AATK: variants seen among roughly 807,000 people sequenced by gnomAD.
The protein encoded by AATK is serine/threonine-protein kinase LMTK1.
A neutral mutation model predicts 114.3 loss-of-function variants in AATK; 91 were observed. That is an observed-to-expected ratio of 0.80 (90% confidence interval 0.67 to 0.95). The LOEUF (loss-of-function observed/expected upper bound fraction) is 0.95, where lower values mean the gene tolerates loss of function less well. Among genes scored for constraint, AATK ranks in the 40% least tolerant of loss-of-function variants. The probability of loss-of-function intolerance (pLI) is 0.00; values close to 1 mark genes in which losing one functional copy is unlikely to be tolerated. For missense variants in AATK, 2,176 were observed against 1,965.2 expected (o/e 1.11, Z -2.03); for synonymous variants, 1,075 against 916.5 (o/e 1.17, Z -3.12).
At chr17:81,128,764 C>T in intron 3 of AATK, 1 of 1,366,302 alleles carries the variant, frequency 7.3e-7, no homozygotes, top group Non-Finnish European at 9.5e-7. Context: ...CTGCAGGATC[C>T]ATCCGGGCAT....
chr17:81,130,399 C>T (rs138323327), intron 3 of AATK, among the ~76,000 whole-genome samples: 1 of 152,286 alleles, frequency 6.6e-6, no homozygotes, highest in East Asian at 1.9e-4. Context: ...CTCCCCAGCA[C>T]GTCCGCCCCA....
intron 13 of AATK, 25 bp downstream of exon 13, chr17:81,119,355 T>TCGCGTGCCCTTCC: frequency 2.9e-6 from 1 of 344,624 alleles, no homozygotes. Flanking sequence ...CGTGCCCTTC[T>TCGCGTGCCCTTCC]GCCACAGCCC....
chr17:81,123,843 G>T (rs1370152014), intron 9 of AATK, among the ~76,000 whole-genome samples: 2 of 152,132 alleles, frequency 1.3e-5, no homozygotes, highest in African/African-American at 4.8e-5. Context: ...GGTAACTGGG[G>T]TCTCCTTCCC....
intron 1 of AATK, among the ~76,000 whole-genome samples, chr17:81,158,804 G>T (rs2061397167): frequency 6.6e-6 from 1 of 152,216 alleles, no homozygotes; most frequent in Non-Finnish European, 1.5e-5. Flanking sequence ...TATAAAAACA[G>T]CAGCCAGCAC....
Position 81,120,692 on chromosome 17 carries a change from C to A in AATK, c.3244G>T (p.Glu1082Ter). The A allele has an allele frequency of 6.6e-7, 1 of 1,517,522 alleles. No individual in the cohort carries two copies. The highest frequency in any genetic ancestry group is 8.8e-7 in the Non-Finnish European group (1 of 1,132,986). The allele number at this position is 1,517,522 out of a possible 1,614,324, so 94.0% of individuals were successfully genotyped here. A position where few individuals can be genotyped will look rare whatever the true frequency, so the allele number is the denominator to read the frequency against. The change falls in exon 11 of 14, where the codon GAG becomes TAG. Residue 1082 changes from glutamate to a stop codon, truncating the protein, a stop_gained. Transcript: ENST00000326724. LOFTEE classifies it high-confidence loss of function. ...CPSGLVPEPP[E>*]PQGPAKVRPG... ...CGCACCTTGGCTGGGCCTTGGGGCT[C>A]CGGAGGCTCTGGGACCAGGCCCGAG...
chr17:81,145,664 C>T (rs980094282), intron 1 of AATK, among the ~76,000 whole-genome samples: 6 of 132,264 alleles, frequency 4.5e-5, no homozygotes, highest in African/African-American at 8.5e-5. Flanking sequence ...ACCTGGGAGG[C>T]GGAGGTTGCA....
intron 1 of AATK, among the ~76,000 whole-genome samples, chr17:81,157,035 C>A (rs1175755638): frequency 6.6e-6 from 1 of 152,190 alleles, no homozygotes; most frequent in Admixed American, 6.5e-5. Flanking sequence ...CGGCATCGTG[C>A]CCAGCCCTGA....
In AATK at chr17:81,121,861, C is replaced by T; in HGVS notation, c.2075G>A (p.Cys692Tyr). 2 of 1,597,080 alleles carry T rather than the reference C, an allele frequency of 1.3e-6. No individual in the cohort carries two copies. The highest frequency in any genetic ancestry group is 1.3e-5 in the African/African-American group (1 of 74,978). Reference protein sequence around the residue: ...VSANNNSGSRCPESWDPVSAG... With the variant: ...VSANNNSGSRYPESWDPVSAG... The stretch of plus-strand genomic sequence containing the variant: ...AGAGACGGGGTCCCAGGACTCTGGA[C>T]AGCGGCTGCCGCTGTTGTTGTTGGC... The change falls in exon 11 of 14, where the codon TGT becomes TAT. Residue 692 changes from cysteine to tyrosine, a missense_variant. Transcript: ENST00000326724.
In AATK at chr17:81,126,067, C is replaced by T; in HGVS notation, c.755+360G>A. 2.1e-6 allele frequency: 1 copy of T among 487,584 alleles called. No homozygotes were observed. Among genetic ancestry groups the T allele is most frequent in the Non-Finnish European group, 4.1e-6 (1 of 242,014 alleles). 30.2% of individuals were successfully genotyped at this position (487,584 alleles called of 1,614,324 possible). ...CCTGGCCCAAGCAGGACAGAACCCTCCCTCCAGGGTCCTTCGAAGCAGGGT... is the reference window on the plus strand; with the variant it reads ...CCTGGCCCAAGCAGGACAGAACCCTTCCTCCAGGGTCCTTCGAAGCAGGGT... On this transcript the variant is annotated intron_variant, in intron 7 of 13. Coordinates refer to ENST00000326724, the MANE Select transcript of AATK (RefSeq NM_001080395.3). This position sits in a 1 kb window ranked among gnomAD's most constrained non-coding sequence, Gnocchi z 5.1.
Position 81,166,091 on chromosome 17 carries a change from G to A in AATK, c.-99C>T. 2.6e-6 allele frequency: 2 copies of A among 776,874 alleles called. No individual in the cohort carries two copies. Among genetic ancestry groups the A allele is most frequent in the South Asian group, 5.6e-5 (1 of 17,734 alleles). 48.1% of individuals were successfully genotyped at this position (776,874 alleles called of 1,614,324 possible). ...CCGCATCACCCAGCGGCCGCCGCAG[G>A]TGCGGAGCGCGCCGGCCCCCGCGCC... On this transcript the variant is annotated 5_prime_UTR_variant, in exon 1 of 14. Coordinates refer to ENST00000326724, the MANE Select transcript of AATK (RefSeq NM_001080395.3).
chr17:81,127,611 T>A lies in AATK; in HGVS notation c.593A>T (p.Tyr198Phe). The A allele has an allele frequency of 6.2e-7, 1 of 1,602,334 alleles. No homozygotes were observed. The highest frequency in any genetic ancestry group is 8.5e-7 in the Non-Finnish European group (1 of 1,175,096). The change falls in exon 6 of 14, where the codon TAC (tyrosine) becomes TTC (phenylalanine). Residue 198 changes from tyrosine to phenylalanine, a missense_variant. Tyr to Phe is a conservative substitution (Grantham distance 22). Transcript: ENST00000326724. ...CLAQCAEVTP[Y>F]LLVMEFCPLG... ...TGGGCAGAACTCCATCACCAGCAGG[T>A]AGGGCGTCACCTCGGCGCACTGGGC...
At chr17:81,119,666 GCCTCCC>G in intron 12 of AATK, 86 bp from the exon 13 acceptor site, 1 of 610,388 alleles carries the variant, frequency 1.6e-6, no homozygotes. Flanking sequence ...CCCAGGCCCC[GCCTCCC>G]ATCATGTCAC....
rs913452988 is a variant in AATK at position 81,151,578 on chromosome 17, C to T, written c.55+14360G>A. ...CCCATCTGCCCCCAGCCTCCCAGGA[C>T]AAAGGCTGTGTCCAAAGGACACCCT... is the stretch of plus-strand genomic sequence containing the variant. On this transcript the variant is annotated intron_variant, in intron 1 of 13. Transcript: ENST00000326724. 3.9e-5 allele frequency among the ~76,000 whole-genome samples: 6 copies of T among 152,242 alleles called. No homozygotes were observed. The South Asian group carries it at 1.0e-3, about 26-fold the overall frequency.
chr17:81,128,386 TG>T, intron 4 of AATK, 83 bp downstream of exon 4: 1 of 1,445,096 alleles, frequency 6.9e-7, no homozygotes. Context: ...GGGGCTGGGG[TG>T]GCTCCTAGGA....
Position 81,122,792 on chromosome 17 carries a change from G to A in AATK, c.1144C>T (p.Pro382Ser). Residue 382 changes from proline to serine, a missense_variant, in exon 11 of 14, where the codon CCC becomes TCC. Physicochemically the swap from Pro to Ser is moderately conservative, Grantham distance 74. Transcript: ENST00000326724. ...TCCTCGGCTGTGGGCCGCTGCTCGG[G>A]CTGCAGCCAGCAGAACTGCATCACC... ...YEVMQFCWLQ[P>S]EQRPTAEEVH... 3.2e-6 allele frequency: 5 copies of A among 1,581,652 alleles called. No homozygotes were observed. Among genetic ancestry groups the A allele is most frequent in the Non-Finnish European group, 4.3e-6 (5 of 1,164,746 alleles).
chr17:81,141,444 C>T (rs1200819035), intron 1 of AATK, among the ~76,000 whole-genome samples: 1 of 151,992 alleles, frequency 6.6e-6, no homozygotes, highest in Non-Finnish European at 1.5e-5. Flanking sequence ...GAGACTCTGT[C>T]CCCCCCAAAA....
intron 7 of AATK, chr17:81,125,801 T>G: frequency 2.7e-6 from 1 of 365,448 alleles, no homozygotes; most frequent in South Asian, 1.7e-5. Flanking sequence ...GTCCTGGGCC[T>G]AGGGGGTGGA....
Position 81,140,745 on chromosome 17 carries a change from ACCGTGGGGCCGTGAG to A in AATK, c.56-6259_56-6245del, listed in dbSNP as rs1294757436. Among the ~76,000 whole-genome samples, 48 of 32,128 alleles carry A rather than the reference ACCGTGGGGCCGTGAG, an allele frequency of 1.5e-3. 2 individuals are homozygous for A. The highest frequency in any genetic ancestry group is 1.5e-3 in the Non-Finnish European group (25 of 16,572). 21.1% of individuals were successfully genotyped at this position (32,128 alleles called of 152,430 possible). Reference sequence around the variant, plus strand: ...GGGCTGTGAGCCGTGGGGCCGGGAGACCGTGGGGCCGTGAGCCGTGGGGCTGTGGGGCGGTGAGAC... The same window carrying A: ...GGGCTGTGAGCCGTGGGGCCGGGAGACCGTGGGGCTGTGGGGCGGTGAGAC... On this transcript the variant is annotated intron_variant, in intron 1 of 13. Coordinates refer to ENST00000326724, the MANE Select transcript of AATK (RefSeq NM_001080395.3).
intron 1 of AATK, among the ~76,000 whole-genome samples, chr17:81,138,127 A>C (rs12601567): frequency 2.0e-5 from 3 of 148,506 alleles, no homozygotes; most frequent in South Asian, 4.3e-4. Context: ...GACATACCCC[A>C]CACACACATG....
Sources: gnomAD v4.1 joint callset for allele counts (sites outside exome capture counted in the v4.1 genomes callset) on GRCh38, gnomAD v4.1.1 for gene constraint, Gnocchi (gnomAD v3.1) non-coding constraint, MANE v1.5 for transcripts, NCBI Gene and HGNC (gene_info 2026-07-23, HGNC 2026-07-21) for gene names.